Variants in IPO9 observed in about 807,000 individuals in gnomAD.
IPO9 encodes the protein importin 9, also known as importin-9.
In IPO9, 28 loss-of-function variants were observed where a neutral mutation model predicts 128.6. The observed-to-expected ratio is 0.22, with a 90% CI of 0.16 to 0.30. IPO9 has a LOEUF of 0.30. Among genes scored for constraint, IPO9 ranks in the 10% least tolerant of loss-of-function variants. The probability of loss-of-function intolerance (pLI) is 1.00; values close to 1 mark genes in which losing one functional copy is unlikely to be tolerated. For missense variants in IPO9, 935 were observed against 1,293.9 expected (o/e 0.72, Z 4.26); for synonymous variants, 455 against 475.8 (o/e 0.96, Z 0.57).
At chr1:201,864,342 G>C (rs1380254057) in intron 14 of IPO9, among the ~76,000 whole-genome samples, 1 of 152,092 alleles carries the variant, frequency 6.6e-6, no homozygotes, top group Admixed American at 6.6e-5. Context: ...ATCTTTTTCT[G>C]CTTCAATCTA....
intron 5 of IPO9, 35 bp downstream of exon 5, chr1:201,852,227 C>G: frequency 7.2e-7 from 1 of 1,386,842 alleles, no homozygotes; most frequent in Non-Finnish European, 1.0e-6. Context: ...ATAGTGAGTT[C>G]AGGCTCTCTT....
intron 6 of IPO9, 139 bp from the exon 7 acceptor site, chr1:201,854,455 CT>C: frequency 9.6e-7 from 1 of 1,041,492 alleles, no homozygotes; most frequent in East Asian, 2.6e-5. Flanking sequence ...CCTTCATTGA[CT>C]TTATAGCTAT....
intron 21 of IPO9, 113 bp from the exon 22 acceptor site, chr1:201,874,719 T>A: frequency 1.3e-6 from 1 of 755,424 alleles, no homozygotes; most frequent in East Asian, 2.4e-5. Context: ...CACTGGGGAC[T>A]ACAAGCCACA....
At chr1:201,845,860 T>A (rs1680116527) in intron 1 of IPO9, among the ~76,000 whole-genome samples, 1 of 152,220 alleles carries the variant, frequency 6.6e-6, no homozygotes, top group Non-Finnish European at 1.5e-5. Flanking sequence ...GTAAAAATTA[T>A]GATGCACTGT....
chr1:201,849,683 T>A (rs1457305041), intron 4 of IPO9, among the ~76,000 whole-genome samples: 1 of 152,244 alleles, frequency 6.6e-6, no homozygotes, highest in Admixed American at 6.5e-5. Context: ...CAAATCTTTC[T>A]TCTCCTTTTG....
chr1:201,866,215 C>T (rs1680551967), intron 14 of IPO9, among the ~76,000 whole-genome samples: 2 of 151,960 alleles, frequency 1.3e-5, no homozygotes, highest in East Asian at 3.9e-4. Flanking sequence ...GTCTCAAGTT[C>T]GAAGAGAACA....
chr1:201,836,119 CAAAAAAAAAAAAAA>C (rs34447985), intron 1 of IPO9, among the ~76,000 whole-genome samples: 1 of 55,350 alleles, frequency 1.8e-5, no homozygotes, highest in Non-Finnish European at 3.0e-5. Context: ...GACTCCATCT[CAAAAAAAAAAAAAA>C]AAAAAAAAAA....
At chr1:201,853,440 C>G (rs1300382119) in intron 6 of IPO9, among the ~76,000 whole-genome samples, 2 of 152,132 alleles carry the variant, frequency 1.3e-5, no homozygotes, top group African/African-American at 4.8e-5. Flanking sequence ...ACTGTATTGC[C>G]CAGGCTGGTC....
intron 14 of IPO9, among the ~76,000 whole-genome samples, chr1:201,865,502 C>G (rs903822672): frequency 6.6e-6 from 1 of 152,212 alleles, no homozygotes; most frequent in Non-Finnish European, 1.5e-5. Flanking sequence ...GCCACCGCGC[C>G]CGGCCTGCAG....
At position 201,829,394 on chromosome 1, in the gene IPO9, C is replaced by T. The variant is rs368498617; in HGVS notation, c.163+22C>T. ...GAGGGTGAGTGAGGCGGGACCGTCA[C>T]GAGGATGGCTCAGCCGCACAATCCG... On this transcript the variant is annotated intron_variant, in intron 1 of 23. Transcript: ENST00000361565. 1.7e-4 allele frequency: 259 copies of T among 1,538,992 alleles called. 1 individual carries two copies. Among genetic ancestry groups the T allele is most frequent in the Non-Finnish European group, 2.1e-4 (238 of 1,142,610 alleles).
chr1:201,840,227 C>G (rs1680011246), intron 1 of IPO9, among the ~76,000 whole-genome samples: 1 of 152,154 alleles, frequency 6.6e-6, no homozygotes, highest in Non-Finnish European at 1.5e-5. Context: ...GTAGCCGAGG[C>G]TACAGGCATG....
At position 201,870,870 on chromosome 1, in the gene IPO9, G is replaced by A. The variant is rs2280258; in HGVS notation, c.2409+12G>A. 3.7e-3 allele frequency: 5,959 copies of A among 1,596,430 alleles called. 91 individuals carry two copies. The East Asian group carries it at 0.055, about 15-fold the overall frequency. ...TCAGTGTCATGCAGGTAAGAGAGCA[G>A]TGGGGAGTGGGCTTCCTACTCCCTG... On this transcript the variant is annotated intron_variant, in intron 18 of 23. Transcript: ENST00000361565. This position sits in a 1 kb window ranked among gnomAD's most constrained non-coding sequence, Gnocchi z 4.9.
chr1:201,844,643 T>C (rs898101980), intron 1 of IPO9, among the ~76,000 whole-genome samples: 3 of 152,282 alleles, frequency 2.0e-5, no homozygotes, highest in Non-Finnish European at 4.4e-5. Context: ...AACTCTGTAC[T>C]GTTCAGCTTT....
intron 1 of IPO9, among the ~76,000 whole-genome samples, chr1:201,839,120 A>G (rs897758757): frequency 2.0e-5 from 3 of 151,740 alleles, no homozygotes; most frequent in East Asian, 1.9e-4. Flanking sequence ...GGGTTTCACC[A>G]TGTTGGCCAA....
chr1:201,871,372 ATTTCT>A, intron 19 of IPO9, 45 bp downstream of exon 19: 53 of 232,756 alleles, frequency 2.3e-4, no homozygotes, highest in Middle Eastern at 1.0e-3. Flanking sequence ...CACCACTCAT[ATTTCT>A]TTTTTTTTTT....
rs1011832360 is a variant in IPO9 at position 201,876,735 on chromosome 1, A to G, written c.*681A>G. The G allele has an allele frequency of 1.4e-5, 2 of 146,964 alleles. No homozygotes were observed. The highest frequency in any genetic ancestry group is 7.0e-5 in the Admixed American group (1 of 14,380). The allele number at this position is 146,964 out of a possible 1,614,324, so 9.1% of individuals were successfully genotyped here. A position where few individuals can be genotyped will look rare whatever the true frequency, so the allele number is the denominator to read the frequency against. On this transcript the variant is annotated 3_prime_UTR_variant, in exon 24 of 24. Transcript: ENST00000361565. ...CACAAAATAAGCCAGACAGATGGCA[A>G]TTTGATCTTCCTTTTTTAGAAAAAA...
intron 15 of IPO9, among the ~76,000 whole-genome samples, chr1:201,867,565 G>T (rs191375328): frequency 6.6e-6 from 1 of 151,818 alleles, no homozygotes; most frequent in African/African-American, 2.4e-5. Context: ...CCCAAGTTTT[G>T]ATTTTTCTTT....
intron 22 of IPO9, 53 bp from the exon 23 acceptor site, chr1:201,875,099 G>T: frequency 6.5e-7 from 1 of 1,528,558 alleles, no homozygotes; most frequent in Non-Finnish European, 9.1e-7. Flanking sequence ...ACCACTCAGG[G>T]CCTGATCATG....
intron 1 of IPO9, among the ~76,000 whole-genome samples, chr1:201,846,372 TTTTG>T (rs1173078585): frequency 3.9e-5 from 6 of 152,178 alleles, no homozygotes; most frequent in Non-Finnish European, 8.8e-5. Context: ...TTTTGTTTTG[TTTTG>T]TTTGTTTGTT....
Sources: gnomAD v4.1 joint callset for allele counts (sites outside exome capture counted in the v4.1 genomes callset) on GRCh38, gnomAD v4.1.1 for gene constraint, Gnocchi (gnomAD v3.1) non-coding constraint, MANE v1.5 for transcripts, NCBI Gene and HGNC (gene_info 2026-07-23, HGNC 2026-07-21) for gene names.